ADGRL3: variants seen among roughly 807,000 people sequenced by gnomAD.
ADGRL3 encodes calcium-independent alpha-latrotoxin receptor 3.
Under a neutral mutation model 153.5 loss-of-function variants are expected in ADGRL3, and 62 were observed. The observed-to-expected ratio is 0.40, with a 90% CI of 0.33 to 0.50. The LOEUF is 0.50. Ranked by LOEUF, ADGRL3 falls within the 20% of genes least tolerant of loss-of-function variation. The pLI is 0.47. For missense variants in ADGRL3, 1,641 were observed against 1,859.4 expected, an observed-to-expected ratio of 0.88 and a Z score of 2.16; for synonymous variants, 710 against 672.5, an observed-to-expected ratio of 1.06 and a Z score of -0.86.
chr4:61,644,717 A>G (rs975344286), intron 5 of ADGRL3, among the ~76,000 whole-genome samples: 2 of 152,182 alleles, frequency 1.3e-5, no homozygotes, highest in African/African-American at 4.8e-5. Context: ...TATGTGGTCA[A>G]TTATGGAATA....
intron 17 of ADGRL3, among the ~76,000 whole-genome samples, chr4:61,959,151 A>G (rs1350138542): frequency 1.3e-5 from 2 of 152,180 alleles, no homozygotes; most frequent in African/African-American, 4.8e-5. Flanking sequence ...ATGTCTGTTC[A>G]TCTCTTAGTA....
At chr4:61,813,032 G>T (rs1367839259) in intron 8 of ADGRL3, among the ~76,000 whole-genome samples, 1 of 152,170 alleles carries the variant, frequency 6.6e-6, no homozygotes, top group Non-Finnish European at 1.5e-5. Context: ...TGTACATTGG[G>T]TGCCAGTCTG....
rs1033380975 is a variant in ADGRL3, at chr4:62,077,038, T to C, written c.*6130T>C. 3.3e-5 allele frequency: 5 copies of C among 151,904 alleles called. No individual in the cohort carries two copies. The highest frequency in any genetic ancestry group is 1.2e-4 in the African/African-American group (5 of 41,416). The allele number at this position is 151,904 out of a possible 1,614,324, so 9.4% of individuals were successfully genotyped here. A position where few individuals can be genotyped will look rare whatever the true frequency, so the allele number is the denominator to read the frequency against. Reference sequence around the variant, plus strand: ...TCTGCTCCAAATATTACTCTCAAGTTCTCTGCCTTTAATTATTATAGTCAA... The same window carrying C: ...TCTGCTCCAAATATTACTCTCAAGTCCTCTGCCTTTAATTATTATAGTCAA... On this transcript the variant is annotated 3_prime_UTR_variant, in exon 27 of 27. Coordinates refer to ENST00000683033, the MANE Select transcript of ADGRL3 (RefSeq NM_001387552.1).
intron 2 of ADGRL3, among the ~76,000 whole-genome samples, chr4:61,477,353 A>G (rs2098076854): frequency 7.7e-6 from 1 of 130,176 alleles, no homozygotes; most frequent in African/African-American, 2.8e-5. Flanking sequence ...GTTATTGTAT[A>G]TAGAATAGTG....
At chr4:61,557,048 C>G (rs1376381592) in intron 4 of ADGRL3, among the ~76,000 whole-genome samples, 1 of 152,010 alleles carries the variant, frequency 6.6e-6, no homozygotes, top group Non-Finnish European at 1.5e-5. Flanking sequence ...TAATCTACAG[C>G]AAGATAAAGC....
chr4:61,281,742 C>A (rs546485140), intron 1 of ADGRL3, among the ~76,000 whole-genome samples: 2 of 152,010 alleles, frequency 1.3e-5, no homozygotes, highest in Non-Finnish European at 2.9e-5. Context: ...AGTTGCTTGT[C>A]CCGTTAAAAT....
At chr4:61,646,952 G>A (rs1026424926) in intron 5 of ADGRL3, among the ~76,000 whole-genome samples, 6 of 152,340 alleles carry the variant, frequency 3.9e-5, no homozygotes, top group African/African-American at 1.4e-4. Flanking sequence ...AGGACCCTCC[G>A]AGCCAGGTGC....
rs1553908051 is a variant in ADGRL3, at chr4:62,006,032, A to ATTTTT, written c.3395+7778_3395+7782dup. 6.0e-3 allele frequency among the ~76,000 whole-genome samples: 438 copies of ATTTTT among 73,082 alleles called. 14 individuals are homozygous for ATTTTT. The highest frequency in any genetic ancestry group is 0.011 in the East Asian group (27 of 2,458). The allele number at this position is 73,082 out of a possible 152,430, so 47.9% of individuals were successfully genotyped here. On this transcript the variant is annotated intron_variant, in intron 21 of 26. Coordinates refer to ENST00000683033, the MANE Select transcript of ADGRL3 (RefSeq NM_001387552.1). ...TATATATATATATATATATATATAT[A>ATTTTT]TTTTTTTTTTTTTTTGAGAAAGGGT... is the stretch of plus-strand genomic sequence containing the variant.
intron 6 of ADGRL3, among the ~76,000 whole-genome samples, chr4:61,700,779 AT>A (rs1181773832): frequency 6.6e-6 from 1 of 152,226 alleles, no homozygotes; most frequent in Admixed American, 6.5e-5. Flanking sequence ...AGTCTTAAAC[AT>A]ATTAAGATTG....
chr4:61,280,543 A>G (rs2093682715), intron 1 of ADGRL3, among the ~76,000 whole-genome samples: 1 of 152,168 alleles, frequency 6.6e-6, no homozygotes, highest in African/African-American at 2.4e-5. Flanking sequence ...AATAGAGATT[A>G]AACATTAGAT....
intron 4 of ADGRL3, among the ~76,000 whole-genome samples, chr4:61,567,206 G>T (rs1476322550): frequency 6.6e-6 from 1 of 152,202 alleles, no homozygotes; most frequent in Admixed American, 6.5e-5. Flanking sequence ...CAGTCATACA[G>T]TTAGCTCACT....
intron 17 of ADGRL3, among the ~76,000 whole-genome samples, chr4:61,954,871 G>A (rs2098960430): frequency 6.6e-6 from 1 of 152,142 alleles, no homozygotes; most frequent in Non-Finnish European, 1.5e-5. Flanking sequence ...GAGGGAGTAA[G>A]CAAACCAGGT....
chr4:62,072,837 T>A lies in ADGRL3; in HGVS notation c.*1929T>A, dbSNP rs542271224. 6.6e-6 allele frequency: 1 copy of A among 152,302 alleles called. No homozygotes were observed. Among genetic ancestry groups the A allele is most frequent in the Non-Finnish European group, 1.5e-5 (1 of 68,022 alleles). The allele number at this position is 152,302 out of a possible 1,614,324, so 9.4% of individuals were successfully genotyped here. A position where few individuals can be genotyped will look rare whatever the true frequency, so the allele number is the denominator to read the frequency against. ...ATTTTTTCCTCCTTTGTACATTGCA[T>A]TTTGATGTTAGAAATTCAAATTCCC... is the stretch of plus-strand genomic sequence containing the variant. On this transcript the variant is annotated 3_prime_UTR_variant, in exon 27 of 27. Transcript: ENST00000683033.
At chr4:61,669,281 T>C (rs976726267) in intron 5 of ADGRL3, among the ~76,000 whole-genome samples, 2 of 152,190 alleles carry the variant, frequency 1.3e-5, no homozygotes, top group African/African-American at 4.8e-5. Flanking sequence ...ATTAGATAGT[T>C]GTCTCATCTT....
chr4:61,648,411 C>T (rs2094124296), intron 5 of ADGRL3, among the ~76,000 whole-genome samples: 2 of 130,746 alleles, frequency 1.5e-5, no homozygotes, highest in Non-Finnish European at 3.1e-5. Flanking sequence ...TTCTGCTAGG[C>T]TGTGTTGAAA....
At chr4:61,712,861 T>A (rs2096024800) in intron 6 of ADGRL3, among the ~76,000 whole-genome samples, 1 of 152,322 alleles carries the variant, frequency 6.6e-6, no homozygotes, top group East Asian at 1.9e-4. Flanking sequence ...TACATTTATG[T>A]TCTGCATTTC....
chr4:62,070,154 T>C lies in ADGRL3; in HGVS notation c.3878T>C (p.Leu1293Pro). The change falls in exon 27 of 27, where the codon CTA (leucine) becomes CCA (proline). Residue 1293 changes from leucine to proline, a missense_variant. Coordinates refer to ENST00000683033, the MANE Select transcript of ADGRL3 (RefSeq NM_001387552.1). ...AGGGATACAAGTGTCATGGATACTC[T>C]ACCACTGAATGGTAACCATGGCAAT... is the stretch of plus-strand genomic sequence containing the variant. Reference protein sequence around the residue: ...NARDTSVMDTLPLNGNHGNSY... With the variant: ...NARDTSVMDTPPLNGNHGNSY... 2.5e-6 allele frequency: 4 copies of C among 1,614,086 alleles called. No homozygotes were observed. Among genetic ancestry groups the C allele is most frequent in the Non-Finnish European group, 1.7e-6 (2 of 1,180,010 alleles).
intron 5 of ADGRL3, among the ~76,000 whole-genome samples, chr4:61,605,128 A>G (rs2099027423): frequency 6.6e-6 from 1 of 150,954 alleles, no homozygotes; most frequent in Non-Finnish European, 1.5e-5. Flanking sequence ...AAGGAAAAAA[A>G]AAACTAAAAA....
At chr4:61,203,055 G>T (rs1459901354) in intron 1 of ADGRL3, among the ~76,000 whole-genome samples, 3 of 152,218 alleles carry the variant, frequency 2.0e-5, no homozygotes, top group Non-Finnish European at 4.4e-5. Flanking sequence ...CATGCGTGCG[G>T]CGCGTGAGAG....
Sources: gnomAD v4.1 joint callset for allele counts (sites outside exome capture counted in the v4.1 genomes callset) on GRCh38, gnomAD v4.1.1 for gene constraint, MANE v1.5 for transcripts, NCBI Gene and HGNC (gene_info 2026-07-23, HGNC 2026-07-21) for gene names.